Variants in FBXO34 observed in about 807,000 individuals in gnomAD.
The protein encoded by FBXO34 is F-box protein 34.
A neutral mutation model predicts 24.5 loss-of-function variants in FBXO34; 12 were observed. That is an observed-to-expected ratio of 0.49 (90% CI 0.31 to 0.79). The LOEUF is 0.79. Among genes scored for constraint, FBXO34 ranks in the 30% least tolerant of loss-of-function variants. The probability of loss-of-function intolerance (pLI) is 0.04; values close to 1 mark genes in which losing one functional copy is unlikely to be tolerated. For synonymous variants in FBXO34, 320 were observed against 311.9 expected, an observed-to-expected ratio of 1.03 and a Z score of -0.27; for missense variants, 823 against 857.7, an observed-to-expected ratio of 0.96 and a Z score of 0.51.
At chr14:55,433,399 T>C in the FBXO34 span, among the ~76,000 whole-genome samples, 1 of 150,670 alleles carries the variant, frequency 6.6e-6, no homozygotes, top group Non-Finnish European at 1.5e-5. Context: ...GCGATCCTCC[T>C]GCTTAGGCCT....
intron 1 of FBXO34, chr14:55,339,570 T>C (rs148138800): frequency 2.0e-5 from 3 of 152,330 alleles, no homozygotes; most frequent in African/African-American, 4.8e-5. Context: ...TAAGGAATAG[T>C]TGTGTTTGGA....
chr14:55,365,238 A>AC (rs1344837213), downstream of FBXO34, among the ~76,000 whole-genome samples: 3 of 150,714 alleles, frequency 2.0e-5, no homozygotes, highest in Admixed American at 6.6e-5. Flanking sequence ...AAAAAAAAAA[A>AC]AAAAAAACAA....
chr14:55,375,522 T>G, the FBXO34 span, among the ~76,000 whole-genome samples: 3 of 149,232 alleles, frequency 2.0e-5, no homozygotes, highest in Non-Finnish European at 3.0e-5. Flanking sequence ...TTTTTTACTT[T>G]TTGTAGACAT....
At chr14:55,281,484 G>A (rs929287945) in intron 1 of FBXO34, among the ~76,000 whole-genome samples, 3 of 152,018 alleles carry the variant, frequency 2.0e-5, no homozygotes, top group Non-Finnish European at 2.9e-5. Context: ...AAATTCCAGC[G>A]GGATGATGTT....
chr14:55,382,433 A>G, the FBXO34 span, among the ~76,000 whole-genome samples: 2 of 152,160 alleles, frequency 1.3e-5, no homozygotes, highest in African/African-American at 4.8e-5. Flanking sequence ...CTCCTGCCTC[A>G]GCCTCCTAAG....
the FBXO34 span, among the ~76,000 whole-genome samples, chr14:55,379,924 G>GT: frequency 2.0e-5 from 3 of 152,086 alleles, no homozygotes; most frequent in Non-Finnish European, 4.4e-5. Context: ...AACCATGTGA[G>GT]TTTTTTATTA....
chr14:55,365,680 A>G (rs939884283), downstream of FBXO34, among the ~76,000 whole-genome samples: 31 of 152,186 alleles, frequency 2.0e-4, no homozygotes, highest in African/African-American at 7.5e-4. Context: ...CTGCCTGGAA[A>G]GACTGAAGGA....
At chr14:55,310,647 G>A (rs1267361269) in intron 1 of FBXO34, among the ~76,000 whole-genome samples, 3 of 152,146 alleles carry the variant, frequency 2.0e-5, no homozygotes, top group African/African-American at 7.2e-5. Flanking sequence ...ATAATAAGCT[G>A]TAAAACCTTG....
At chr14:55,294,473 G>C (rs1415056238) in intron 1 of FBXO34, among the ~76,000 whole-genome samples, 3 of 152,040 alleles carry the variant, frequency 2.0e-5, no homozygotes, top group Admixed American at 6.6e-5. Flanking sequence ...GGCCGGTCTT[G>C]AACTCCTGGG....
the FBXO34 span, chr14:55,424,143 T>A: frequency 1.9e-5 from 30 of 1,587,666 alleles, no homozygotes; most frequent in Non-Finnish European, 2.1e-5. Flanking sequence ...AGTCAGAAAA[T>A]AATCTTAGCA....
At chr14:55,442,214 C>A in the FBXO34 span, among the ~76,000 whole-genome samples, 11,226 of 151,064 alleles carry the variant, frequency 0.074, 1,197 homozygotes, top group African/African-American at 0.24. Context: ...CATGGTGAAA[C>A]CCCATCTATA....
intron 1 of FBXO34, among the ~76,000 whole-genome samples, chr14:55,280,686 C>A (rs1881506981): frequency 6.6e-6 from 1 of 152,014 alleles, no homozygotes; most frequent in African/African-American, 2.4e-5. Context: ...GCCACCTCGC[C>A]CGGCTAATTT....
At chr14:55,276,271 A>G (rs1881339419) in intron 1 of FBXO34, among the ~76,000 whole-genome samples, 1 of 152,168 alleles carries the variant, frequency 6.6e-6, no homozygotes, top group South Asian at 2.1e-4. Context: ...ATAGTGAAAC[A>G]TTTCATTCAT....
At chr14:55,370,091 CT>C (rs1285750944), downstream of FBXO34, among the ~76,000 whole-genome samples, 1 of 152,196 alleles carries the variant, frequency 6.6e-6, no homozygotes. Flanking sequence ...TTGCGTTTTC[CT>C]TTACCCAAAT....
chr14:55,431,279 C>T, the FBXO34 span, among the ~76,000 whole-genome samples: 1 of 152,156 alleles, frequency 6.6e-6, no homozygotes. Flanking sequence ...AACTCATTAT[C>T]CAAACTTTCA....
At chr14:55,288,285 G>T (rs986385851) in intron 1 of FBXO34, among the ~76,000 whole-genome samples, 1 of 152,008 alleles carries the variant, frequency 6.6e-6, no homozygotes, top group Admixed American at 6.5e-5. Flanking sequence ...CTAAAGTAAA[G>T]AAATTTTTTT....
At chr14:55,342,669 C>T (rs537734584) in intron 1 of FBXO34, among the ~76,000 whole-genome samples, 1 of 152,248 alleles carries the variant, frequency 6.6e-6, no homozygotes, top group South Asian at 2.1e-4. Flanking sequence ...CTGGTCTTGG[C>T]ATTTTTTCCA....
At chr14:55,395,005 T>C in the FBXO34 span, 1 of 460,206 alleles carries the variant, frequency 2.2e-6, no homozygotes, top group African/African-American at 2.0e-5. Flanking sequence ...TTTCTTGTTT[T>C]CTGCAGGTAA....
chr14:55,342,918 A>G (rs1884038291), intron 1 of FBXO34, among the ~76,000 whole-genome samples: 1 of 152,236 alleles, frequency 6.6e-6, no homozygotes, highest in African/African-American at 2.4e-5. Flanking sequence ...GGGAAAGTAT[A>G]GATCCAGGAG....
Sources: allele counts gnomAD v4.1 joint callset (sites outside exome capture counted in the v4.1 genomes callset), GRCh38; gene constraint gnomAD v4.1.1; transcripts MANE v1.5; gene names NCBI Gene and HGNC (gene_info 2026-07-23, HGNC 2026-07-21).